The following DENND1B variants were observed in gnomAD, a reference collection of about 807,000 sequenced individuals.
DENND1B encodes the protein DENN domain-containing protein 1B.
A neutral mutation model predicts 90.1 loss-of-function variants in DENND1B; 59 were observed. The ratio of observed to expected loss-of-function variants is 0.65; its 90% CI spans 0.53 to 0.81. DENND1B has a LOEUF of 0.81. DENND1B is among the 40% of genes least tolerant of loss of function. The pLI is 0.00. For synonymous variants in DENND1B, 337 were observed against 324.6 expected (o/e 1.04, Z -0.41); for missense variants, 862 against 912.6 (o/e 0.94, Z 0.71).
chr1:197,523,038 C>A (rs1486046183), intron 20 of DENND1B, among the ~76,000 whole-genome samples: 1 of 152,092 alleles, frequency 6.6e-6, no homozygotes, highest in African/African-American at 2.4e-5. Context: ...AACTCTACTA[C>A]CTCGTGCTCA....
upstream of DENND1B, among the ~76,000 whole-genome samples, chr1:197,775,944 C>T (rs944461314): frequency 1.3e-5 from 2 of 152,154 alleles, no homozygotes; most frequent in East Asian, 3.9e-4. Flanking sequence ...CCAGAGCTAC[C>T]CCCTCCTGAT....
At chr1:197,691,918 C>T (rs1657928256) in intron 3 of DENND1B, among the ~76,000 whole-genome samples, 1 of 151,838 alleles carries the variant, frequency 6.6e-6, no homozygotes, top group African/African-American at 2.4e-5. Flanking sequence ...GTCAAACTCA[C>T]AGAAGCAGAA....
chr1:197,620,553 G>A (rs1678061425), intron 10 of DENND1B, among the ~76,000 whole-genome samples: 1 of 151,172 alleles, frequency 6.6e-6, no homozygotes. Context: ...CTACCCTGGT[G>A]GCTAACGGAA....
intron 14 of DENND1B, 67 bp from the exon 15 acceptor site, chr1:197,583,320 A>G: frequency 6.9e-7 from 1 of 1,444,714 alleles, no homozygotes; most frequent in Non-Finnish European, 9.7e-7. Flanking sequence ...GTCTCTTTAA[A>G]TAGGTATGTG....
At chr1:197,779,231 A>G (rs1287281436), upstream of DENND1B, among the ~76,000 whole-genome samples, 3 of 152,146 alleles carry the variant, frequency 2.0e-5, no homozygotes, top group Non-Finnish European at 4.4e-5. Flanking sequence ...TTCTTTCTGC[A>G]TGTTATCAAT....
At chr1:197,713,635 GA>G (rs1238523932) in intron 3 of DENND1B, among the ~76,000 whole-genome samples, 5 of 64,644 alleles carry the variant, frequency 7.7e-5, no homozygotes, top group African/African-American at 2.9e-4. Flanking sequence ...CCTAATGCTA[GA>G]TGACACGTTA....
chr1:197,683,582 A>C (rs1413792683), intron 3 of DENND1B, among the ~76,000 whole-genome samples: 1 of 152,166 alleles, frequency 6.6e-6, no homozygotes, highest in Non-Finnish European at 1.5e-5. Context: ...CACAGAGAGA[A>C]CCTGGTCTGG....
At chr1:197,684,650 G>A (rs546204343) in intron 3 of DENND1B, among the ~76,000 whole-genome samples, 80 of 152,026 alleles carry the variant, frequency 5.3e-4, no homozygotes, top group African/African-American at 1.6e-3. Context: ...AAATTATACC[G>A]TGAGGCCAAA....
At chr1:197,580,356 C>T (rs1419625947) in intron 15 of DENND1B, among the ~76,000 whole-genome samples, 1 of 151,188 alleles carries the variant, frequency 6.6e-6, no homozygotes, top group East Asian at 1.9e-4. Context: ...TCTCGGTCTC[C>T]CAGAGTGCTG....
chr1:197,683,449 T>C (rs1187499153), intron 3 of DENND1B, among the ~76,000 whole-genome samples: 1 of 151,984 alleles, frequency 6.6e-6, no homozygotes, highest in Non-Finnish European at 1.5e-5. Context: ...AATTGAAGTG[T>C]ATGGTGCTGG....
chr1:197,640,546 G>A (rs2125915299), intron 10 of DENND1B, among the ~76,000 whole-genome samples: 1 of 151,428 alleles, frequency 6.6e-6, no homozygotes, highest in Non-Finnish European at 1.5e-5. Context: ...ATTCTATGCA[G>A]ATATCATTCT....
intron 2 of DENND1B, among the ~76,000 whole-genome samples, chr1:197,719,581 A>C (rs1660967552): frequency 6.6e-6 from 1 of 152,166 alleles, no homozygotes; most frequent in Non-Finnish European, 1.5e-5. Flanking sequence ...AAGCTGTTGG[A>C]GCTTTAAGGA....
intron 2 of DENND1B, among the ~76,000 whole-genome samples, chr1:197,753,895 G>A (rs1653905423): frequency 6.6e-6 from 1 of 151,990 alleles, no homozygotes; most frequent in Admixed American, 6.5e-5. Flanking sequence ...AGCTACTCAG[G>A]AGGCTGAGAC....
intron 20 of DENND1B, among the ~76,000 whole-genome samples, chr1:197,518,898 C>A (rs1163021737): frequency 6.6e-6 from 1 of 151,826 alleles, no homozygotes; most frequent in Non-Finnish European, 1.5e-5. Context: ...TTGCTATCCT[C>A]CCAGTGGAAT....
intron 15 of DENND1B, among the ~76,000 whole-genome samples, chr1:197,556,822 CT>C (rs1285637615): frequency 2.1e-4 from 32 of 152,118 alleles, no homozygotes; most frequent in African/African-American, 7.5e-4. Context: ...ATAAAGTCCA[CT>C]TTCCCCAGTA....
At chr1:197,635,646 A>G (rs1403849352) in intron 10 of DENND1B, among the ~76,000 whole-genome samples, 3 of 152,090 alleles carry the variant, frequency 2.0e-5, no homozygotes, top group Admixed American at 2.0e-4. Context: ...CAGGTTTTTA[A>G]TTTTTAAAGA....
intron 10 of DENND1B, among the ~76,000 whole-genome samples, chr1:197,641,302 G>A (rs191713602): frequency 6.6e-6 from 1 of 152,132 alleles, no homozygotes; most frequent in Admixed American, 6.5e-5. Flanking sequence ...AAAAAATGAG[G>A]AGGAGGAGCT....
In DENND1B at chr1:197,566,908, GAAC is replaced by G. The variant is rs548739474; in HGVS notation, c.1150-13799_1150-13797del. ...AGGATATTCAAAGCAGAGAAAACAA[GAAC>G]AACAAGTATATGTGCATTTCTTCAT... On this transcript the variant is annotated intron_variant, in intron 15 of 22. Transcript: ENST00000620048. Among the ~76,000 whole-genome samples, 183 of 152,062 alleles carry G rather than the reference GAAC, an allele frequency of 1.2e-3. 1 individual carries two copies. The highest frequency in any genetic ancestry group is 2.9e-3 in the Admixed American group (45 of 15,262).
chr1:197,622,429 A>C (rs1393587019), intron 10 of DENND1B, among the ~76,000 whole-genome samples: 1 of 151,404 alleles, frequency 6.6e-6, no homozygotes, highest in Non-Finnish European at 1.5e-5. Flanking sequence ...CACTATTTCA[A>C]ACTGCCTTCA....
Sources: allele counts gnomAD v4.1 joint callset (sites outside exome capture counted in the v4.1 genomes callset), GRCh38; gene constraint gnomAD v4.1.1; transcripts MANE v1.5; gene names NCBI Gene and HGNC (gene_info 2026-07-23, HGNC 2026-07-21).